The following CLDN16 variants were observed in gnomAD, a reference collection of about 807,000 sequenced individuals.
CLDN16 encodes the protein claudin 16, also known as claudin-16.
CLDN16 carries 13 observed loss-of-function variants against 24.6 expected under a neutral mutation model. The observed-to-expected ratio is 0.53, with a 90% CI of 0.34 to 0.84. CLDN16 has a LOEUF of 0.84. CLDN16 is among the 40% of genes least tolerant of loss of function. CLDN16 has a pLI of 0.01. For synonymous variants in CLDN16, 116 were observed against 106.7 expected (o/e 1.09, Z -0.54); for missense variants, 298 against 292.7 (o/e 1.02, Z -0.13).
Position 190,402,428 on chromosome 3 carries a change from C to G in CLDN16, c.206C>G (p.Ala69Gly). 2.5e-6 allele frequency: 4 copies of G among 1,612,392 alleles called. No homozygotes were observed. Among genetic ancestry groups the G allele is most frequent in the Non-Finnish European group, 3.4e-6 (4 of 1,178,630 alleles). ...TGTGATGAGTACGATTCCATACTTG[C>G]GGAGCATCCCTGTACGTATGCCTTA... ...RTCDEYDSIL[A>G]EHPLKLVVTR... The change falls in exon 2 of 5, where the codon GCG (alanine) becomes GGG (glycine). Residue 69 changes from alanine (A) to glycine (G), a missense_variant. Physicochemically the swap from Ala to Gly is moderately conservative, Grantham distance 60 (BLOSUM62 0). Transcript: ENST00000264734.
chr3:190,335,147 G>T (rs141494298), intron 1 of CLDN16, among the ~76,000 whole-genome samples: 1 of 151,196 alleles, frequency 6.6e-6, no homozygotes, highest in Non-Finnish European at 1.5e-5. Context: ...AGGTTCAAGC[G>T]ATTCTCCTGC....
At chr3:190,368,914 C>T (rs1446764277) in intron 1 of CLDN16, among the ~76,000 whole-genome samples, 1 of 151,932 alleles carries the variant, frequency 6.6e-6, no homozygotes, top group Non-Finnish European at 1.5e-5. Context: ...AAGGCCATCC[C>T]AGTGTATACA....
the CLDN16 span, chr3:190,313,118 T>G: frequency 6.6e-7 from 1 of 1,516,630 alleles, no homozygotes; most frequent in Non-Finnish European, 9.1e-7. Context: ...TATATGTCAC[T>G]GTTGTATGGA....
Position 190,366,705 on chromosome 3 carries a change from G to A in CLDN16, n.122-4188G>A, listed in dbSNP as rs576208577. 1.4e-4 allele frequency among the ~76,000 whole-genome samples: 21 copies of A among 152,096 alleles called. 1 individual carries two copies. Among genetic ancestry groups the A allele is most frequent in the African/African-American group, 5.1e-4 (21 of 41,540 alleles). Reference sequence around the variant, plus strand: ...TTGACCCAAACTGGGGGAAAGGACCGTGACTCTCTTTTCTACGTCCTGAGA... The same window carrying A: ...TTGACCCAAACTGGGGGAAAGGACCATGACTCTCTTTTCTACGTCCTGAGA... On this transcript the variant is annotated intron_variant and non_coding_transcript_variant, in intron 1 of 4. Coordinates refer to the CLDN16 transcript ENST00000468220.
chr3:190,370,915 G>C (rs1046208332), exon 2 of CLDN16: 1 of 151,216 alleles, frequency 6.6e-6, no homozygotes, highest in Non-Finnish European at 1.5e-5. Context: ...CTCAAACATC[G>C]GACTCCAAGT....
At chr3:190,350,365 T>TATATATATATATATATAC (rs1318369050) in intron 1 of CLDN16, among the ~76,000 whole-genome samples, 2 of 148,614 alleles carry the variant, frequency 1.3e-5, no homozygotes, top group African/African-American at 2.5e-5. Context: ...TATATATATA[T>TATATATATATATATATAC]ACTTTATTAT....
intron 2 of CLDN16, among the ~76,000 whole-genome samples, chr3:190,372,480 C>G (rs142540793): frequency 1.5e-4 from 22 of 151,714 alleles, no homozygotes; most frequent in South Asian, 6.2e-4. Flanking sequence ...CCCTTCCCCC[C>G]CAAAATAAAA....
At chr3:190,389,307 A>T (rs542469712) in intron 1 of CLDN16, among the ~76,000 whole-genome samples, 1 of 152,228 alleles carries the variant, frequency 6.6e-6, no homozygotes, top group Admixed American at 6.5e-5. Flanking sequence ...GCTCAAAAAA[A>T]GGAGTATATA....
chr3:190,348,273 A>G (rs1248451807), intron 1 of CLDN16, among the ~76,000 whole-genome samples: 4 of 122,794 alleles, frequency 3.3e-5, no homozygotes, highest in Admixed American at 2.6e-4. Context: ...AAAAAAAAAG[A>G]ATAAATCAAA....
chr3:190,297,663 T>C, the CLDN16 span, among the ~76,000 whole-genome samples: 1 of 141,770 alleles, frequency 7.1e-6, no homozygotes, highest in South Asian at 2.1e-4. Context: ...TATATATCTA[T>C]ACATAGATAT....
the CLDN16 span, chr3:190,308,389 CAG>C: frequency 1.2e-6 from 2 of 1,613,574 alleles, no homozygotes; most frequent in African/African-American, 2.7e-5. Context: ...TCCCAGAAGG[CAG>C]AGAGAAGCAG....
chr3:190,346,282 G>A (rs1717548269), intron 1 of CLDN16, among the ~76,000 whole-genome samples: 1 of 152,090 alleles, frequency 6.6e-6, no homozygotes, highest in Non-Finnish European at 1.5e-5. Context: ...AAAAACTGAA[G>A]GAAAAAGAAG....
At chr3:190,408,893 C>T (rs1050483514) in intron 4 of CLDN16, among the ~76,000 whole-genome samples, 4 of 146,900 alleles carry the variant, frequency 2.7e-5, no homozygotes, top group Admixed American at 6.8e-5. Flanking sequence ...TATATATACC[C>T]TTGTATATAT....
At chr3:190,303,635 AC>A in the CLDN16 span, among the ~76,000 whole-genome samples, 1 of 152,172 alleles carries the variant, frequency 6.6e-6, no homozygotes, top group Non-Finnish European at 1.5e-5. Flanking sequence ...TTAGCTAAGG[AC>A]TCTCCTGAAA....
chr3:190,315,793 C>T, the CLDN16 span, among the ~76,000 whole-genome samples: 12 of 152,172 alleles, frequency 7.9e-5, no homozygotes, highest in South Asian at 4.2e-4. Flanking sequence ...GTCACTTGCC[C>T]AGCAGGTCTG....
At chr3:190,313,180 C>T in the CLDN16 span, 174 of 842,086 alleles carry the variant, frequency 2.1e-4, 1 homozygote, top group African/African-American at 2.9e-4. Flanking sequence ...CTGATGTTTC[C>T]GCTGGTAACC....
the CLDN16 span, among the ~76,000 whole-genome samples, chr3:190,291,009 A>T: frequency 6.6e-6 from 1 of 152,108 alleles, no homozygotes; most frequent in African/African-American, 2.4e-5. Flanking sequence ...GTTATGTACT[A>T]TTTTCTATAT....
chr3:190,323,559 G>A (rs1212330849), intron 1 of CLDN16, among the ~76,000 whole-genome samples: 5 of 152,170 alleles, frequency 3.3e-5, no homozygotes, highest in East Asian at 1.9e-4. Context: ...TGTGTGGTGC[G>A]AGTGTGGTGG....
the CLDN16 span, chr3:190,308,378 C>A: frequency 2.5e-6 from 4 of 1,613,642 alleles, no homozygotes; most frequent in Non-Finnish European, 3.4e-6. Flanking sequence ...AGTAGGGCAC[C>A]TCCCAGAAGG....
Sources: gnomAD v4.1 joint callset for allele counts (sites outside exome capture counted in the v4.1 genomes callset) on GRCh38, gnomAD v4.1.1 for gene constraint, MANE v1.5 for transcripts, NCBI Gene and HGNC (gene_info 2026-07-23, HGNC 2026-07-21) for gene names.